ANKRD6: variants seen among roughly 807,000 people sequenced by gnomAD.
ANKRD6 encodes the protein ankyrin repeat domain-containing protein 6.
A neutral mutation model predicts 82.3 loss-of-function variants in ANKRD6; 56 were observed. That is an observed-to-expected ratio of 0.68 (90% CI 0.55 to 0.85). The LOEUF is 0.85. Among genes scored for constraint, ANKRD6 ranks in the 40% least tolerant of loss-of-function variants. The pLI is 0.00. For missense variants in ANKRD6, 852 were observed against 907.6 expected (o/e 0.94, Z 0.79); for synonymous variants, 347 against 352.1 (o/e 0.99, Z 0.16).
intron 1 of ANKRD6, among the ~76,000 whole-genome samples, chr6:89,492,183 G>C (rs1046645367): frequency 7.9e-5 from 12 of 152,228 alleles, no homozygotes; most frequent in African/African-American, 2.7e-4. Flanking sequence ...GGCATTTCTG[G>C]AGAGAGCGCC....
At chr6:89,453,306 T>C (rs1374805056) in intron 1 of ANKRD6, among the ~76,000 whole-genome samples, 2 of 152,254 alleles carry the variant, frequency 1.3e-5, no homozygotes, top group Non-Finnish European at 2.9e-5. Context: ...CCTTTTACTC[T>C]CTGTTATAAT....
At chr6:89,521,016 TTC>T (rs1289623144) in intron 1 of ANKRD6, among the ~76,000 whole-genome samples, 1 of 152,184 alleles carries the variant, frequency 6.6e-6, no homozygotes. Context: ...TCCTCCCACA[TTC>T]TCTTATTTTA....
chr6:89,436,286 G>A (rs991501226), intron 1 of ANKRD6, among the ~76,000 whole-genome samples: 4 of 152,082 alleles, frequency 2.6e-5, no homozygotes, highest in African/African-American at 9.7e-5. Flanking sequence ...TAATATTTCC[G>A]CAGCATTTGG....
chr6:89,575,590 G>T (rs1308982840), intron 2 of ANKRD6, among the ~76,000 whole-genome samples: 1 of 152,032 alleles, frequency 6.6e-6, no homozygotes, highest in African/African-American at 2.4e-5. Context: ...ATATGCCCAG[G>T]TACTTTACTT....
chr6:89,476,341 A>G lies in ANKRD6; in HGVS notation c.-144+42966A>G, dbSNP rs1281876196. On this transcript the variant is annotated intron_variant, in intron 1 of 15. Transcript: ENST00000339746. ...GCTGGGATTATAGGCGTGCACCACC[A>G]TGGCCAGCTAATTTTTGTATTTTTT... 7.2e-5 allele frequency among the ~76,000 whole-genome samples: 11 copies of G among 151,960 alleles called. No homozygotes were observed. The East Asian group carries it at 1.9e-3, about 27-fold the overall frequency.
chr6:89,604,436 C>G (rs1002518760), intron 4 of ANKRD6, among the ~76,000 whole-genome samples: 2 of 149,528 alleles, frequency 1.3e-5, no homozygotes, highest in Non-Finnish European at 1.5e-5. Context: ...CACAAAACTT[C>G]ACAATTAAGT....
At chr6:89,507,283 T>A (rs1357324898) in intron 1 of ANKRD6, among the ~76,000 whole-genome samples, 1 of 152,214 alleles carries the variant, frequency 6.6e-6, no homozygotes, top group Non-Finnish European at 1.5e-5. Flanking sequence ...TATGTAAAAA[T>A]ATATTCTCAG....
intron 1 of ANKRD6, among the ~76,000 whole-genome samples, chr6:89,539,525 ATTTTC>A (rs1258969924): frequency 6.6e-6 from 1 of 151,842 alleles, no homozygotes. Flanking sequence ...ATAACTTTAA[ATTTTC>A]TTTTCATTTT....
Position 89,535,574 on chromosome 6 carries a change from T to A in ANKRD6, c.-143-31260T>A, listed in dbSNP as rs908812781. On this transcript the variant is annotated intron_variant, in intron 1 of 15. Coordinates refer to ENST00000339746, the MANE Select transcript of ANKRD6 (RefSeq NM_001242809.2). Reference sequence around the variant, plus strand: ...ACCTGGCCATACACAAGACAACTTCTCCATTGAGTGGGCAGCTCTACAGAG... The same window carrying A: ...ACCTGGCCATACACAAGACAACTTCACCATTGAGTGGGCAGCTCTACAGAG... 4.6e-5 allele frequency among the ~76,000 whole-genome samples: 7 copies of A among 152,186 alleles called. No individual in the cohort carries two copies. In the East Asian group the frequency reaches 1.2e-3, roughly 25 times the overall value.
intron 1 of ANKRD6, among the ~76,000 whole-genome samples, chr6:89,538,211 G>A (rs1020374427): frequency 3.3e-5 from 5 of 151,910 alleles, no homozygotes; most frequent in Admixed American, 1.3e-4. Flanking sequence ...TAATCTCTAC[G>A]TTTCTTCTCC....
intron 1 of ANKRD6, among the ~76,000 whole-genome samples, chr6:89,453,661 C>T (rs916900247): frequency 1.3e-5 from 2 of 152,014 alleles, no homozygotes; most frequent in Non-Finnish European, 2.9e-5. Flanking sequence ...CTCACTGCAA[C>T]CTTTGCCTCC....
chr6:89,466,905 T>G (rs974582194), intron 1 of ANKRD6, among the ~76,000 whole-genome samples: 1 of 152,284 alleles, frequency 6.6e-6, no homozygotes, highest in South Asian at 2.1e-4. Flanking sequence ...TGGGGTCTTA[T>G]CTTGTTTTCC....
chr6:89,487,671 T>C (rs1202090191), intron 1 of ANKRD6, among the ~76,000 whole-genome samples: 2 of 152,216 alleles, frequency 1.3e-5, no homozygotes, highest in East Asian at 3.8e-4. Context: ...CATTTCGCCA[T>C]CAAATGAAAA....
chr6:89,480,504 A>C (rs1320825834), intron 1 of ANKRD6, among the ~76,000 whole-genome samples: 1 of 151,710 alleles, frequency 6.6e-6, no homozygotes, highest in African/African-American at 2.4e-5. Flanking sequence ...AATAAACATC[A>C]AGGGCTACTT....
At chr6:89,549,946 A>T (rs549168180) in intron 1 of ANKRD6, among the ~76,000 whole-genome samples, 3 of 152,242 alleles carry the variant, frequency 2.0e-5, no homozygotes, top group Admixed American at 6.5e-5. Context: ...AGAAAAAAAA[A>T]TTAGCCAGAC....
At chr6:89,605,866 T>C in intron 4 of ANKRD6, 141 bp from the exon 5 acceptor site, 1 of 493,500 alleles carries the variant, frequency 2.0e-6, no homozygotes, top group Non-Finnish European at 3.6e-6. Flanking sequence ...AATCATCTTC[T>C]GTAGTCTGTG....
At chr6:89,459,348 G>T (rs1773861174) in intron 1 of ANKRD6, among the ~76,000 whole-genome samples, 1 of 152,166 alleles carries the variant, frequency 6.6e-6, no homozygotes. Flanking sequence ...AAAGTGTTGG[G>T]ATTACAGGCA....
intron 1 of ANKRD6, among the ~76,000 whole-genome samples, chr6:89,547,197 TG>T (rs60850985): frequency 0.85 from 127,238 of 149,622 alleles, 54,400 homozygotes; most frequent in South Asian, 0.95. Flanking sequence ...ACTTGTTATT[TG>T]GGGGGGGGGT....
chr6:89,532,510 C>T (rs1317243997), intron 1 of ANKRD6, among the ~76,000 whole-genome samples: 1 of 152,162 alleles, frequency 6.6e-6, no homozygotes, highest in Non-Finnish European at 1.5e-5. Context: ...GAGCACACTA[C>T]ACTTTCCTTG....
Sources: allele counts gnomAD v4.1 joint callset (sites outside exome capture counted in the v4.1 genomes callset), GRCh38; gene constraint gnomAD v4.1.1; transcripts MANE v1.5; gene names NCBI Gene and HGNC (gene_info 2026-07-23, HGNC 2026-07-21).